Variants in RNF212 observed in about 807,000 individuals in gnomAD.
RNF212 encodes probable E3 SUMO-protein ligase RNF212.
In RNF212, 33 loss-of-function variants were observed where a neutral mutation model predicts 34.7. The observed-to-expected ratio is 0.95, with a 90% CI of 0.72 to 1.27. The LOEUF (loss-of-function observed/expected upper bound fraction) is 1.27, where lower values mean the gene tolerates loss of function less well. Ranked by LOEUF, RNF212 falls within the 50% of genes most tolerant of loss-of-function variation. The pLI is 0.00. For missense variants in RNF212, 377 were observed against 362.2 expected (o/e 1.04, Z -0.33); for synonymous variants, 140 against 136.1 (o/e 1.03, Z -0.20).
chr4:1,073,904 G>T, intron 8 of RNF212: 1 of 523,650 alleles, frequency 1.9e-6, no homozygotes. Flanking sequence ...TTCCACCAGG[G>T]CCTAAAACAG....
intron 3 of RNF212, among the ~76,000 whole-genome samples, chr4:1,092,926 G>C (rs629638): frequency 0.19 from 28,155 of 152,146 alleles, 4,241 homozygotes; most frequent in African/African-American, 0.42. Flanking sequence ...TTCAATACCA[G>C]TTCTCCTCCA....
At chr4:1,078,131 G>A (rs1189232490) in intron 8 of RNF212, among the ~76,000 whole-genome samples, 1 of 152,148 alleles carries the variant, frequency 6.6e-6, no homozygotes, top group Non-Finnish European at 1.5e-5. Context: ...ATCTATAAAG[G>A]GCTCGGAACA....
intron 2 of RNF212, chr4:1,100,001 C>A: frequency 2.5e-6 from 1 of 403,818 alleles, no homozygotes; most frequent in Non-Finnish European, 4.9e-6. Context: ...GGTTCTCTGA[C>A]TAGGAATGCC....
At chr4:1,090,397 T>A (rs1201991480) in intron 4 of RNF212, among the ~76,000 whole-genome samples, 1 of 152,180 alleles carries the variant, frequency 6.6e-6, no homozygotes, top group East Asian at 1.9e-4. Flanking sequence ...GGTTCCTGAC[T>A]TTACCGACTA....
chr4:1,108,479 A>G (rs947496239), intron 1 of RNF212, 75 bp from the exon 2 acceptor site: 1 of 713,426 alleles, frequency 1.4e-6, no homozygotes, highest in African/African-American at 1.9e-5. Context: ...AGACTTTACA[A>G]TGTTTCTCCA....
At position 1,085,879 on chromosome 4, in the gene RNF212, G is replaced by A. The variant is rs540539692; in HGVS notation, c.362+17C>T. 3.3e-4 allele frequency: 525 copies of A among 1,596,898 alleles called. 5 individuals are homozygous for A. The South Asian group carries it at 5.5e-3, about 17-fold the overall frequency. On this transcript the variant is annotated intron_variant, in intron 5 of 9. Transcript: ENST00000433731. ...GGGTGCCTCGACTGCGCACTCACGG[G>A]GGGTGGGGCGCCTTACCTTTGTAGT...
At chr4:1,093,538 T>TGCTGCCCAGGCTGGAGCCA (rs759658531) in intron 3 of RNF212, 1 of 1,375,482 alleles carries the variant, frequency 7.3e-7, no homozygotes, top group Non-Finnish European at 9.3e-7. Flanking sequence ...GCAGAGCCTG[T>TGCTGCCCAGGCTGGAGCCA]GACCTCCACG....
At chr4:1,104,800 T>G (rs913931511) in intron 2 of RNF212, among the ~76,000 whole-genome samples, 1 of 152,080 alleles carries the variant, frequency 6.6e-6, no homozygotes, top group Non-Finnish European at 1.5e-5. Context: ...AGAAAGACAA[T>G]GAACGTGTCT....
At chr4:1,056,469 C>T (rs1442062765) in exon 5 of RNF212, 4 of 982,138 alleles carry the variant, frequency 4.1e-6, no homozygotes, top group Non-Finnish European at 4.8e-6. Flanking sequence ...GGTAAAAACA[C>T]AACTTTGTCT....
intron 8 of RNF212, 72 bp downstream of exon 8, chr4:1,079,571 T>C (rs538508626): frequency 9.4e-7 from 1 of 1,060,846 alleles, no homozygotes; most frequent in Admixed American, 1.7e-5. Flanking sequence ...GTTACGTTTT[T>C]CACTACTGAG....
At chr4:1,094,682 C>T (rs1327384216) in intron 3 of RNF212, among the ~76,000 whole-genome samples, 1 of 152,152 alleles carries the variant, frequency 6.6e-6, no homozygotes, top group Non-Finnish European at 1.5e-5. Context: ...GATTGGAGGC[C>T]TGGGAGGCAG....
At chr4:1,089,399 G>T (rs1201498061) in intron 4 of RNF212, among the ~76,000 whole-genome samples, 1 of 152,222 alleles carries the variant, frequency 6.6e-6, no homozygotes, top group African/African-American at 2.4e-5. Context: ...TTTACCCAAT[G>T]CCTGTACTCC....
chr4:1,105,135 G>T (rs1577821311), intron 2 of RNF212, among the ~76,000 whole-genome samples: 1 of 152,298 alleles, frequency 6.6e-6, no homozygotes, highest in African/African-American at 2.4e-5. Context: ...AAAAGCAACT[G>T]GCGTGTCCAT....
At chr4:1,085,692 T>G in intron 5 of RNF212, 1 of 590,856 alleles carries the variant, frequency 1.7e-6, no homozygotes, top group Non-Finnish European at 3.0e-6. Flanking sequence ...ATTCATCTCT[T>G]TTTCACTTTT....
rs148625459 is a variant in RNF212 at position 1,109,989 on chromosome 4, C to T, written c.110-1585G>A. On this transcript the variant is annotated intron_variant, in intron 1 of 9. Transcript: ENST00000433731. Reference sequence around the variant, plus strand: ...AACATCTACCCTTGACAGTAGGTCCCCTCCCTTCTAGCTCTTTAAGTGCAA... The same window carrying T: ...AACATCTACCCTTGACAGTAGGTCCTCTCCCTTCTAGCTCTTTAAGTGCAA... Among the ~76,000 whole-genome samples, 131 of 152,288 alleles carry T rather than the reference C, an allele frequency of 8.6e-4. 1 individual carries two copies. Among genetic ancestry groups the T allele is most frequent in the Middle Eastern group, 6.8e-3 (2 of 294 alleles).
intron 8 of RNF212, among the ~76,000 whole-genome samples, chr4:1,078,719 C>A (rs975649809): frequency 1.1e-4 from 17 of 152,356 alleles, no homozygotes; most frequent in Non-Finnish European, 2.1e-4. Flanking sequence ...AGCACGGGAC[C>A]AACATGGGAC....
At chr4:1,058,312 GGGCAC>G in intron 4 of RNF212, 1 of 718,252 alleles carries the variant, frequency 1.4e-6, no homozygotes, top group African/African-American at 2.2e-5. Flanking sequence ...GCTTGCGGGG[GGGCAC>G]TACCTGAGAG....
At chr4:1,058,034 C>A (rs1717451084) in intron 4 of RNF212, among the ~76,000 whole-genome samples, 1 of 149,362 alleles carries the variant, frequency 6.7e-6, no homozygotes, top group Non-Finnish European at 1.5e-5. Flanking sequence ...GCACTCCAGC[C>A]TGGGCAACAA....
chr4:1,081,374 G>A lies in RNF212; in HGVS notation c.464+45C>T, dbSNP rs73792259. ...GGGATGGGAAGGCAGGTGCAGAATC[G>A]GAAAGACCTGCAGGTCCTGTGATTT... On this transcript the variant is annotated intron_variant, in intron 7 of 9. Transcript: ENST00000433731. 6.7e-4 allele frequency: 1,044 copies of A among 1,567,714 alleles called. 12 individuals carry two copies. In the African/African-American group the frequency reaches 0.012, roughly 18 times the overall value.
Sources: allele counts gnomAD v4.1 joint callset (sites outside exome capture counted in the v4.1 genomes callset), GRCh38; gene constraint gnomAD v4.1.1; transcripts MANE v1.5; gene names NCBI Gene and HGNC (gene_info 2026-07-23, HGNC 2026-07-21).